CD274: variants seen among roughly 807,000 people sequenced by gnomAD.
CD274 encodes CD274 molecule.
Under a neutral mutation model 30.1 loss-of-function variants are expected in CD274, and 8 were observed. That is an observed-to-expected ratio of 0.27 (90% CI 0.16 to 0.48). The LOEUF (loss-of-function observed/expected upper bound fraction) is 0.48. Ranked by LOEUF, CD274 falls within the 20% of genes least tolerant of loss-of-function variation. The pLI is 0.99. For synonymous variants in CD274, 152 were observed against 124.6 expected, an observed-to-expected ratio of 1.22 and a Z score of -1.46; for missense variants, 353 against 346.6, an observed-to-expected ratio of 1.02 and a Z score of -0.15.
chr9:5,462,421 A>C (rs1819420333), intron 3 of CD274, among the ~76,000 whole-genome samples: 1 of 152,206 alleles, frequency 6.6e-6, no homozygotes, highest in Non-Finnish European at 1.5e-5. Flanking sequence ...ATGGAGAGGG[A>C]TATTTTGTAT....
rs2131223049 is a variant in CD274, at chr9:5,462,869, G to C, written c.430G>C (p.Val144Leu). ...YNKINQRILV[V>L]DPVTSEHELT... Reference sequence around the variant, plus strand: ...CAAAATCAACCAAAGAATTTTGGTTGTGGATCCAGTCACCTCTGAACATGA... The same window carrying C: ...CAAAATCAACCAAAGAATTTTGGTTCTGGATCCAGTCACCTCTGAACATGA... Residue 144 changes from valine (V) to leucine (L), a missense_variant, in exon 4 of 7, where the codon GTG (valine) becomes CTG (leucine). By Grantham distance (32) the Val-to-Leu change is conservative (BLOSUM62 1). Coordinates refer to ENST00000381577, the MANE Select transcript of CD274 (RefSeq NM_014143.4). The C allele has an allele frequency of 1.2e-6, 2 of 1,613,834 alleles. No individual in the cohort carries two copies. The highest frequency in any genetic ancestry group is 1.7e-6 in the Non-Finnish European group (2 of 1,179,764).
Position 5,468,416 on chromosome 9 carries a change from G to A in CD274, c.*554G>A, listed in dbSNP as rs747072883. 13 of 232,974 alleles carry A rather than the reference G, an allele frequency of 5.6e-5. No individual in the cohort carries two copies. Among genetic ancestry groups the A allele is most frequent in the African/African-American group, 1.1e-4 (5 of 45,294 alleles). 14.4% of individuals were successfully genotyped at this position (232,974 alleles called of 1,614,324 possible). A position where few individuals can be genotyped will look rare whatever the true frequency, so the allele number is the denominator to read the frequency against. ...TTGTAGTAGATGTTACAATTTTGTCGCCAAACTAAACTTGCTGCTTAATGA... is the reference window on the plus strand; with the variant it reads ...TTGTAGTAGATGTTACAATTTTGTCACCAAACTAAACTTGCTGCTTAATGA... On this transcript the variant is annotated 3_prime_UTR_variant, in exon 7 of 7. Transcript: ENST00000381577.
Position 5,465,494 on chromosome 9 carries a change from T to C in CD274, c.683-5T>C. 6.3e-7 allele frequency: 1 copy of C among 1,584,238 alleles called. No individual in the cohort carries two copies. On this transcript the variant is annotated splice_polypyrimidine_tract_variant and splice_region_variant and intron_variant, in intron 4 of 6. Transcript: ENST00000381577. ...AGTTTGTTTTCGTTTTGTTTTGTTT[T>C]TCAGAACTACCTCTGGCACATCCTC...
At chr9:5,456,324 T>C (rs529010196) in intron 2 of CD274, among the ~76,000 whole-genome samples, 159 bp downstream of exon 2, 1 of 152,350 alleles carries the variant, frequency 6.6e-6, no homozygotes, top group South Asian at 2.1e-4. Flanking sequence ...CTTTCTACTT[T>C]ACGCAATGAT....
rs1336545747 is a variant in CD274, at chr9:5,470,415, C to T, written c.*2553C>T. On this transcript the variant is annotated 3_prime_UTR_variant, in exon 7 of 7. Transcript: ENST00000381577. ...TAAATGGCATAGGCAGAGATGATAC[C>T]TAATTCTGCATTTGATTGTCACTTT... The T allele has an allele frequency of 4.3e-6, 1 of 230,560 alleles. No homozygotes were observed. The highest frequency in any genetic ancestry group is 2.2e-5 in the African/African-American group (1 of 45,188). The allele number at this position is 230,560 out of a possible 1,614,324, so 14.3% of individuals were successfully genotyped here. A position where few individuals can be genotyped will look rare whatever the true frequency, so the allele number is the denominator to read the frequency against.
chr9:5,453,016 T>C (rs1252915161), intron 1 of CD274, among the ~76,000 whole-genome samples: 2 of 151,612 alleles, frequency 1.3e-5, no homozygotes, highest in African/African-American at 2.4e-5. Context: ...TTATAAGTAA[T>C]ATTTATATTT....
intron 3 of CD274, among the ~76,000 whole-genome samples, chr9:5,462,201 A>G (rs1192817797): frequency 1.3e-5 from 2 of 152,198 alleles, no homozygotes; most frequent in African/African-American, 4.8e-5. Context: ...ATGTATTTTC[A>G]TATCTAATTT....
intron 3 of CD274, among the ~76,000 whole-genome samples, chr9:5,457,942 C>T (rs1819336819): frequency 6.6e-6 from 1 of 152,142 alleles, no homozygotes; most frequent in African/African-American, 2.4e-5. Context: ...ACAAACCCCA[C>T]TGTAAGGTTC....
rs768082091 is a variant in CD274 at position 5,462,823 on chromosome 9, T to A, written c.395-11T>A. ...AGCAAAAGCCCTGACTTCTTTTTGT[T>A]TATGTCCTAGCCCCATACAACAAAA... On this transcript the variant is annotated splice_polypyrimidine_tract_variant and intron_variant, in intron 3 of 6. Coordinates refer to ENST00000381577, the MANE Select transcript of CD274 (RefSeq NM_014143.4). The A allele has an allele frequency of 6.2e-7, 1 of 1,607,290 alleles. No homozygotes were observed. The highest frequency in any genetic ancestry group is 8.5e-7 in the Non-Finnish European group (1 of 1,175,132).
intron 3 of CD274, among the ~76,000 whole-genome samples, chr9:5,460,678 A>T (rs1048453932): frequency 6.6e-6 from 1 of 152,174 alleles, no homozygotes; most frequent in African/African-American, 2.4e-5. Context: ...TATTGCCTAT[A>T]TTTGTACCTC....
At chr9:5,452,023 T>C (rs917009151) in intron 1 of CD274, among the ~76,000 whole-genome samples, 2 of 113,076 alleles carry the variant, frequency 1.8e-5, no homozygotes, top group Non-Finnish European at 3.6e-5. Flanking sequence ...CGGTTTTTTT[T>C]GTCTTTTTTT....
In CD274 at chr9:5,468,061, C is replaced by G. The variant is rs1819526793; in HGVS notation, c.*199C>G. 3.3e-6 allele frequency: 2 copies of G among 600,298 alleles called. No homozygotes were observed. Among genetic ancestry groups the G allele is most frequent in the East Asian group, 5.6e-5 (2 of 35,970 alleles). The allele number at this position is 600,298 out of a possible 1,614,324, so 37.2% of individuals were successfully genotyped here. A position where few individuals can be genotyped will look rare whatever the true frequency, so the allele number is the denominator to read the frequency against. On this transcript the variant is annotated 3_prime_UTR_variant, in exon 7 of 7. Coordinates refer to ENST00000381577, the MANE Select transcript of CD274 (RefSeq NM_014143.4). Reference sequence around the variant, plus strand: ...AAGAAAGATGGAGTCAAACAGGGAGCCTGGAGGGAGACCTTGATACTTTCA... The same window carrying G: ...AAGAAAGATGGAGTCAAACAGGGAGGCTGGAGGGAGACCTTGATACTTTCA...
chr9:5,459,078 G>A (rs1203788169), intron 3 of CD274, among the ~76,000 whole-genome samples: 1 of 152,100 alleles, frequency 6.6e-6, no homozygotes, highest in Admixed American at 6.6e-5. Context: ...GTTTTATTCA[G>A]GTCGTCTGGG....
At chr9:5,455,707 A>G (rs1186688948) in intron 1 of CD274, among the ~76,000 whole-genome samples, 2 of 152,192 alleles carry the variant, frequency 1.3e-5, no homozygotes, top group African/African-American at 4.8e-5. Flanking sequence ...GAAAAGTAAA[A>G]GTCAGATTCT....
At chr9:5,462,606 G>T (rs1232247711) in intron 3 of CD274, among the ~76,000 whole-genome samples, 2 of 152,118 alleles carry the variant, frequency 1.3e-5, no homozygotes, top group African/African-American at 2.4e-5. Flanking sequence ...GTACCAACAT[G>T]ATTTTTATAG....
chr9:5,453,093 G>A (rs73397192), intron 1 of CD274, among the ~76,000 whole-genome samples: 13,809 of 152,036 alleles, frequency 0.091, 2,125 homozygotes, highest in African/African-American at 0.31. Flanking sequence ...GATAGATGCT[G>A]CAGCCCCATT....
intron 3 of CD274, 107 bp from the exon 4 acceptor site, chr9:5,462,727 C>A (rs1376326809): frequency 1.9e-6 from 2 of 1,052,266 alleles, no homozygotes; most frequent in Admixed American, 2.3e-5. Flanking sequence ...GCATATCCCT[C>A]TGAGAACCAG....
chr9:5,456,208 T>C, intron 2 of CD274, 43 bp downstream of exon 2: 1 of 1,304,704 alleles, frequency 7.7e-7, no homozygotes, highest in South Asian at 1.3e-5. Context: ...ATTTTAAATA[T>C]TTTAACCATG....
chr9:5,450,602 G>C lies in CD274; in HGVS notation c.-15+6G>C, dbSNP rs888294079. 1 of 152,320 alleles carries C rather than the reference G, an allele frequency of 6.6e-6. No individual in the cohort carries two copies. The highest frequency in any genetic ancestry group is 2.4e-5 in the African/African-American group (1 of 41,478). The allele number at this position is 152,320 out of a possible 1,614,324, so 9.4% of individuals were successfully genotyped here. On this transcript the variant is annotated splice_donor_region_variant and intron_variant, in intron 1 of 6. Coordinates refer to ENST00000381577, the MANE Select transcript of CD274 (RefSeq NM_014143.4). ...GCGCTTCTGTCCGCCTGCAGGTAGG[G>C]AGCGTTGTTCCTCCGCGGGTGCCCA...
Sources: gnomAD v4.1 joint callset for allele counts (sites outside exome capture counted in the v4.1 genomes callset) on GRCh38, gnomAD v4.1.1 for gene constraint, MANE v1.5 for transcripts, NCBI Gene and HGNC (gene_info 2026-07-23, HGNC 2026-07-21) for gene names.